Variants in PDE1A observed in about 807,000 individuals in gnomAD.
PDE1A encodes dual specificity calcium/calmodulin-dependent 3',5'-cyclic nucleotide phosphodiesterase 1A.
Under a neutral mutation model 61.7 loss-of-function variants are expected in PDE1A, and 35 were observed. The ratio of observed to expected loss-of-function variants is 0.57; its 90% confidence interval spans 0.43 to 0.75. The LOEUF (loss-of-function observed/expected upper bound fraction) is 0.75, where lower values mean the gene tolerates loss of function less well. Among genes scored for constraint, PDE1A ranks in the 30% least tolerant of loss-of-function variants. The pLI is 0.00. For synonymous variants in PDE1A, 232 were observed against 213.2 expected, an observed-to-expected ratio of 1.09 and a Z score of -0.77; for missense variants, 597 against 630.6, an observed-to-expected ratio of 0.95 and a Z score of 0.57.
At chr2:182,556,448 C>T in the PDE1A span, among the ~76,000 whole-genome samples, 2 of 152,182 alleles carry the variant, frequency 1.3e-5, no homozygotes, top group South Asian at 2.1e-4. Flanking sequence ...TCAGAAAATG[C>T]ACAAGTGTCT....
the PDE1A span, among the ~76,000 whole-genome samples, chr2:182,626,828 TATATATATACATATATATAC>T: frequency 2.8e-5 from 1 of 35,754 alleles, no homozygotes; most frequent in African/African-American, 1.0e-4. Context: ...TATATATACA[TATATATATACATATATATAC>T]ATATATATAT....
intron 1 of PDE1A, among the ~76,000 whole-genome samples, chr2:182,410,111 G>T (rs896910082): frequency 1.5e-4 from 23 of 152,106 alleles, no homozygotes; most frequent in African/African-American, 5.6e-4. Context: ...CAGCACTTTG[G>T]GAGGCTAAGG....
intron 1 of PDE1A, among the ~76,000 whole-genome samples, chr2:182,350,362 A>T (rs1698799523): frequency 6.6e-6 from 1 of 152,170 alleles, no homozygotes. Flanking sequence ...ATGCATTTCT[A>T]TTAGATATTT....
chr2:182,433,960 C>T (rs1358870750), intron 2 of PDE1A, among the ~76,000 whole-genome samples: 1 of 152,062 alleles, frequency 6.6e-6, no homozygotes, highest in Non-Finnish European at 1.5e-5. Flanking sequence ...ACTCTCCTGA[C>T]AACTCTATTT....
the PDE1A span, among the ~76,000 whole-genome samples, chr2:182,539,857 G>A: frequency 6.6e-6 from 1 of 152,196 alleles, no homozygotes; most frequent in Non-Finnish European, 1.5e-5. Flanking sequence ...CAGATATGGA[G>A]TAAAGTTCAT....
chr2:182,502,934 G>A (rs1340416220), intron 2 of PDE1A, among the ~76,000 whole-genome samples: 2 of 152,038 alleles, frequency 1.3e-5, no homozygotes, highest in African/African-American at 4.8e-5. Flanking sequence ...GGAAAGTTGT[G>A]AATTTGGTTC....
At chr2:182,448,029 G>T (rs537403896) in intron 2 of PDE1A, among the ~76,000 whole-genome samples, 1 of 151,978 alleles carries the variant, frequency 6.6e-6, no homozygotes, top group African/African-American at 2.4e-5. Flanking sequence ...CAACCCTGGC[G>T]TTACTGCTAT....
the PDE1A span, among the ~76,000 whole-genome samples, chr2:182,647,635 G>C: frequency 6.6e-6 from 1 of 152,170 alleles, no homozygotes; most frequent in Non-Finnish European, 1.5e-5. Flanking sequence ...TTTCTGAGCA[G>C]ATAAGACTTA....
chr2:182,355,381 A>G (rs1454610662), intron 1 of PDE1A, among the ~76,000 whole-genome samples: 1 of 151,876 alleles, frequency 6.6e-6, no homozygotes, highest in Non-Finnish European at 1.5e-5. Context: ...TATTTGTAAA[A>G]CCTTAGGCAA....
chr2:182,562,462 T>A, the PDE1A span, among the ~76,000 whole-genome samples: 40 of 151,334 alleles, frequency 2.6e-4, no homozygotes, highest in South Asian at 1.5e-3. Context: ...TTTGCCAGTA[T>A]TTTATTGAGG....
the PDE1A span, among the ~76,000 whole-genome samples, chr2:182,550,092 G>C: frequency 6.6e-6 from 1 of 152,050 alleles, no homozygotes; most frequent in African/African-American, 2.4e-5. Flanking sequence ...TCTGACCCCA[G>C]ATATCCAAAA....
chr2:182,273,884 T>C (rs1206604738), intron 1 of PDE1A, among the ~76,000 whole-genome samples: 2 of 151,974 alleles, frequency 1.3e-5, no homozygotes, highest in East Asian at 3.9e-4. Context: ...AAAGGAATGG[T>C]TAAAAGTGGT....
chr2:182,670,829 C>T, the PDE1A span, among the ~76,000 whole-genome samples: 2 of 152,000 alleles, frequency 1.3e-5, no homozygotes, highest in Non-Finnish European at 2.9e-5. Context: ...AGAGGGGAGG[C>T]GGGTGGTGGA....
At chr2:182,198,038 A>C (rs1686282002) in intron 10 of PDE1A, among the ~76,000 whole-genome samples, 3 of 151,924 alleles carry the variant, frequency 2.0e-5, no homozygotes, top group South Asian at 4.1e-4. Flanking sequence ...TCATTAACAT[A>C]TCTCTCCATT....
chr2:182,338,521 A>G (rs537072538), intron 1 of PDE1A, among the ~76,000 whole-genome samples: 5 of 152,008 alleles, frequency 3.3e-5, no homozygotes, highest in South Asian at 4.2e-4. Context: ...GGTTTTATTT[A>G]TTTGTTTGTT....
At chr2:182,169,382 T>G (rs1461071567) in intron 13 of PDE1A, among the ~76,000 whole-genome samples, 1 of 152,124 alleles carries the variant, frequency 6.6e-6, no homozygotes, top group Non-Finnish European at 1.5e-5. Context: ...GCATGGATTT[T>G]GTATATCAAC....
At chr2:182,470,982 G>C (rs1329165378) in intron 2 of PDE1A, among the ~76,000 whole-genome samples, 1 of 151,714 alleles carries the variant, frequency 6.6e-6, no homozygotes, top group Non-Finnish European at 1.5e-5. Flanking sequence ...CTGCATGTAG[G>C]TGGAATAACA....
the PDE1A span, among the ~76,000 whole-genome samples, chr2:182,613,220 A>G: frequency 3.9e-5 from 6 of 152,220 alleles, no homozygotes; most frequent in African/African-American, 9.6e-5. Flanking sequence ...TTGAAGAACA[A>G]TTGTCAAGGA....
At chr2:182,425,157 T>G (rs1160428496) in intron 1 of PDE1A, among the ~76,000 whole-genome samples, 2 of 152,146 alleles carry the variant, frequency 1.3e-5, no homozygotes. Context: ...GGTAATACAA[T>G]AAAGATGATG....
Sources: allele counts gnomAD v4.1 joint callset (sites outside exome capture counted in the v4.1 genomes callset), GRCh38; gene constraint gnomAD v4.1.1; transcripts MANE v1.5; gene names NCBI Gene and HGNC (gene_info 2026-07-23, HGNC 2026-07-21).